The following PLCH1 variants were observed in gnomAD, a reference collection of about 807,000 sequenced individuals.
PLCH1 encodes the protein phospholipase C eta 1.
A neutral mutation model predicts 126.7 loss-of-function variants in PLCH1; 60 were observed. The ratio of observed to expected loss-of-function variants is 0.47; its 90% CI spans 0.38 to 0.59. PLCH1 has a LOEUF of 0.59. Ranked by LOEUF, PLCH1 falls within the 20% of genes least tolerant of loss-of-function variation. PLCH1 has a pLI of 0.00. For missense variants in PLCH1, 1,723 were observed against 2,040.0 expected (o/e 0.84, Z 2.99); for synonymous variants, 719 against 734.9 (o/e 0.98, Z 0.35).
chr3:155,543,233 T>G (rs1056683021), intron 10 of PLCH1, among the ~76,000 whole-genome samples: 3 of 152,016 alleles, frequency 2.0e-5, no homozygotes, highest in African/African-American at 7.2e-5. Flanking sequence ...AAGAACTACA[T>G]GAAGAATGCA....
At chr3:155,465,727 G>C (rs1000674233) in intron 21 of PLCH1, among the ~76,000 whole-genome samples, 12 of 152,078 alleles carry the variant, frequency 7.9e-5, no homozygotes, top group African/African-American at 2.9e-4. Context: ...TTCTGGACCT[G>C]CCCTGGGCCA....
intron 21 of PLCH1, among the ~76,000 whole-genome samples, chr3:155,468,122 C>A (rs943641972): frequency 6.6e-6 from 1 of 152,114 alleles, no homozygotes; most frequent in African/African-American, 2.4e-5. Context: ...GAAGTTAAAG[C>A]ATAAAGTTTT....
downstream of PLCH1, among the ~76,000 whole-genome samples, chr3:155,476,945 G>A (rs985514302): frequency 6.6e-6 from 1 of 151,418 alleles, no homozygotes; most frequent in African/African-American, 2.4e-5. Flanking sequence ...GTAGCCAAAG[G>A]TATCCTAAGC....
intron 8 of PLCH1, among the ~76,000 whole-genome samples, chr3:155,564,134 T>A (rs958086387): frequency 4.6e-5 from 7 of 150,746 alleles, no homozygotes; most frequent in South Asian, 2.2e-4. Flanking sequence ...ATAAAAAAAA[T>A]GTTCATCCCT....
At chr3:155,451,141 T>C (rs1712299322) in intron 21 of PLCH1, among the ~76,000 whole-genome samples, 1 of 152,000 alleles carries the variant, frequency 6.6e-6, no homozygotes, top group East Asian at 1.9e-4. Flanking sequence ...ATACCAATCA[T>C]TCAAGAAATA....
At chr3:155,639,256 C>A (rs1229298083) in intron 2 of PLCH1, among the ~76,000 whole-genome samples, 2 of 151,786 alleles carry the variant, frequency 1.3e-5, no homozygotes, top group African/African-American at 4.8e-5. Flanking sequence ...CCCAGGAGTT[C>A]GAGACCAGCC....
intron 1 of PLCH1, among the ~76,000 whole-genome samples, chr3:155,739,262 T>C (rs901870743): frequency 6.6e-6 from 1 of 152,190 alleles, no homozygotes; most frequent in African/African-American, 2.4e-5. Flanking sequence ...AATCTATCAA[T>C]ACTACCTCAA....
intron 12 of PLCH1, among the ~76,000 whole-genome samples, chr3:155,513,447 G>T (rs1312322074): frequency 6.6e-6 from 1 of 152,088 alleles, no homozygotes; most frequent in Non-Finnish European, 1.5e-5. Context: ...CATTTCCAAT[G>T]AGAATAATCT....
At position 155,744,813 on chromosome 3, in the gene PLCH1, GCCCCTTCTTC is replaced by G. The variant is rs1749870924; in HGVS notation, c.-41+17_-41+26del. ...TCCTGCACACCCCCTTCTCTCCTGGGCCCCTTCTTCCCCCGAAAGCACTGACCTCCTCAGC... is the reference window on the plus strand; with the variant it reads ...TCCTGCACACCCCCTTCTCTCCTGGGCCCCGAAAGCACTGACCTCCTCAGC... On this transcript the variant is annotated intron_variant, in intron 1 of 22. Transcript: ENST00000460012. The G allele has an allele frequency of 6.6e-6, 1 of 152,408 alleles. No homozygotes were observed. Among genetic ancestry groups the G allele is most frequent in the Admixed American group, 6.6e-5 (1 of 15,262 alleles). The allele number at this position is 152,408 out of a possible 1,614,324, so 9.4% of individuals were successfully genotyped here.
chr3:155,530,327 TTC>T (rs1282252142), intron 10 of PLCH1, among the ~76,000 whole-genome samples: 2 of 150,700 alleles, frequency 1.3e-5, no homozygotes, highest in Non-Finnish European at 3.0e-5. Context: ...CAGGCTCCAC[TTC>T]TTTTTTTTTT....
chr3:155,583,273 C>G (rs1445527055), intron 6 of PLCH1, among the ~76,000 whole-genome samples, 199 bp downstream of exon 6: 1 of 151,884 alleles, frequency 6.6e-6, no homozygotes, highest in Non-Finnish European at 1.5e-5. Context: ...AATTATATAA[C>G]CCAGTGTTCA....
At chr3:155,572,845 C>T (rs1301979808) in intron 6 of PLCH1, among the ~76,000 whole-genome samples, 1 of 152,154 alleles carries the variant, frequency 6.6e-6, no homozygotes, top group African/African-American at 2.4e-5. Flanking sequence ...CCTTCCTCAG[C>T]ATCCCATGTA....
chr3:155,512,122 C>T (rs569870647), intron 12 of PLCH1, among the ~76,000 whole-genome samples: 15 of 150,808 alleles, frequency 9.9e-5, no homozygotes, highest in African/African-American at 2.9e-4. Context: ...TTTCCAGGTG[C>T]GTCCGTCACC....
chr3:155,628,549 CTTTT>C (rs56820929), intron 2 of PLCH1, among the ~76,000 whole-genome samples: 45,382 of 143,292 alleles, frequency 0.32, 7,876 homozygotes, highest in African/African-American at 0.44. Context: ...CTTCACCTCT[CTTTT>C]TTTTTTTTTT....
chr3:155,534,053 T>C (rs1219729471), intron 10 of PLCH1, among the ~76,000 whole-genome samples: 2 of 152,130 alleles, frequency 1.3e-5, no homozygotes, highest in Non-Finnish European at 2.9e-5. Context: ...GGAGGCCCCA[T>C]ACAAAATCCC....
chr3:155,676,083 T>G, intron 2 of PLCH1: 1 of 1,474,134 alleles, frequency 6.8e-7, no homozygotes, highest in Non-Finnish European at 9.0e-7. Context: ...GCAGTACAAT[T>G]TCTCTCTAAA....
intron 4 of PLCH1, 49 bp from the exon 5 acceptor site, chr3:155,586,243 C>A: frequency 6.3e-7 from 1 of 1,596,752 alleles, no homozygotes; most frequent in Non-Finnish European, 8.6e-7. Context: ...AAATTAAAAA[C>A]TGCTCTCTCA....
At chr3:155,638,293 T>A (rs562354095) in intron 2 of PLCH1, among the ~76,000 whole-genome samples, 10 of 152,198 alleles carry the variant, frequency 6.6e-5, no homozygotes, top group Non-Finnish European at 1.3e-4. Context: ...ATCACCCCAA[T>A]AAATACTCTA....
chr3:155,592,299 A>T (rs1732292771), intron 4 of PLCH1, among the ~76,000 whole-genome samples: 1 of 143,956 alleles, frequency 6.9e-6, no homozygotes, highest in Non-Finnish European at 1.5e-5. Flanking sequence ...CCTGGCTAAC[A>T]GGGTGAAATG....
Sources: gnomAD v4.1 joint callset for allele counts (sites outside exome capture counted in the v4.1 genomes callset) on GRCh38, gnomAD v4.1.1 for gene constraint, MANE v1.5 for transcripts, NCBI Gene and HGNC (gene_info 2026-07-23, HGNC 2026-07-21) for gene names.